Variants in KIF26B observed in about 807,000 individuals in gnomAD.
KIF26B encodes kinesin family member 26B, also known as kinesin-like protein KIF26B.
Under a neutral mutation model 151.2 loss-of-function variants are expected in KIF26B, and 63 were observed. The ratio of observed to expected loss-of-function variants is 0.42; its 90% CI spans 0.34 to 0.51. The LOEUF (loss-of-function observed/expected upper bound fraction) is 0.51. KIF26B is among the 20% of genes least tolerant of loss of function. The pLI, the probability that KIF26B is intolerant of heterozygous loss-of-function variation, is 0.07. For missense variants in KIF26B, 2,813 were observed against 2,913.6 expected (o/e 0.97, Z 0.79); for synonymous variants, 1,357 against 1,262.1 (o/e 1.08, Z -1.59).
At chr1:245,678,804 C>T (rs1478093153) in intron 10 of KIF26B, among the ~76,000 whole-genome samples, 1 of 151,504 alleles carries the variant, frequency 6.6e-6, no homozygotes, top group Non-Finnish European at 1.5e-5. Flanking sequence ...CGGAGGTTGC[C>T]GTGAGCTGAG....
intron 3 of KIF26B, among the ~76,000 whole-genome samples, chr1:245,382,393 C>T (rs1447311954): frequency 6.6e-6 from 1 of 152,140 alleles, no homozygotes. Flanking sequence ...CTCAAAGCCT[C>T]AATTTCCTCT....
intron 9 of KIF26B, among the ~76,000 whole-genome samples, chr1:245,624,215 A>G (rs2043697388): frequency 6.6e-6 from 1 of 151,882 alleles, no homozygotes; most frequent in Non-Finnish European, 1.5e-5. Flanking sequence ...ATATGGACAT[A>G]TATTTTCTTT....
At chr1:245,271,795 G>C (rs1459619986) in intron 2 of KIF26B, among the ~76,000 whole-genome samples, 1 of 152,032 alleles carries the variant, frequency 6.6e-6, no homozygotes, top group Admixed American at 6.6e-5. Flanking sequence ...ATTCATCAGG[G>C]ATATTGGGCT....
Position 245,621,933 on chromosome 1 carries a change from T to C in KIF26B, c.2098+9957T>C, listed in dbSNP as rs188930033. On this transcript the variant is annotated intron_variant, in intron 9 of 14. Transcript: ENST00000407071. ...TTTTATATTATCATCCTCAGCACAG[T>C]CTAAACTGTGCCTTTTGTTCTTGTG... 8.3e-4 allele frequency among the ~76,000 whole-genome samples: 126 copies of C among 152,348 alleles called. 3 individuals carry two copies. In the East Asian group the frequency reaches 0.015, roughly 19 times the overall value.
intron 3 of KIF26B, among the ~76,000 whole-genome samples, chr1:245,395,326 G>A (rs1270242267): frequency 2.0e-5 from 3 of 152,146 alleles, no homozygotes; most frequent in South Asian, 2.1e-4. Flanking sequence ...GCTTGATTTG[G>A]TTCTTATATA....
intron 4 of KIF26B, among the ~76,000 whole-genome samples, chr1:245,464,667 T>G (rs1023629254): frequency 6.0e-5 from 9 of 150,234 alleles, no homozygotes; most frequent in African/African-American, 1.7e-4. Flanking sequence ...TGTGTGTGTG[T>G]GGGTGTGTGC....
chr1:245,439,404 G>C (rs916194178), intron 4 of KIF26B, among the ~76,000 whole-genome samples: 2 of 151,482 alleles, frequency 1.3e-5, no homozygotes, highest in African/African-American at 4.8e-5. Context: ...TGGGATTAGA[G>C]AAAATGTTTT....
In KIF26B at chr1:245,561,459, G is replaced by A. The variant is rs1020510474; in HGVS notation, c.1350+20509G>A. Among the ~76,000 whole-genome samples the A allele has an allele frequency of 5.3e-5, 8 of 152,338 alleles. No homozygotes were observed. In the South Asian group the frequency reaches 1.0e-3, roughly 20 times the overall value. On this transcript the variant is annotated intron_variant, in intron 5 of 14. Transcript: ENST00000407071. ...TGGGTCACTCTTTGTGACAAGAACC[G>A]TGTGAACCACTTCTTACCTGTAATT...
At chr1:245,381,604 C>T (rs774056557) in intron 3 of KIF26B, among the ~76,000 whole-genome samples, 4 of 152,134 alleles carry the variant, frequency 2.6e-5, no homozygotes, top group Non-Finnish European at 4.4e-5. Flanking sequence ...AGATTGGACA[C>T]CCCTGACTCT....
chr1:245,258,017 TC>T (rs1670571504), intron 2 of KIF26B, among the ~76,000 whole-genome samples: 1 of 150,426 alleles, frequency 6.6e-6, no homozygotes, highest in Non-Finnish European at 1.5e-5. Flanking sequence ...TGAGACTCTG[TC>T]TTAAAAAAAA....
rs200426418 is a variant in KIF26B at position 245,331,097 on chromosome 1, G to A, written c.466-35737G>A. Among the ~76,000 whole-genome samples the A allele has an allele frequency of 7.9e-5, 12 of 152,156 alleles. No individual in the cohort carries two copies. In the East Asian group the frequency reaches 2.1e-3, roughly 27 times the overall value. ...AGCAGGAACGCAGCCGCGGCAGGGG[G>A]CGGTGGGAGTCTGCGGTATGACGTA... On this transcript the variant is annotated intron_variant, in intron 2 of 14. Transcript: ENST00000407071.
chr1:245,460,563 A>C (rs1310759880), intron 4 of KIF26B, among the ~76,000 whole-genome samples: 2 of 152,214 alleles, frequency 1.3e-5, no homozygotes, highest in Non-Finnish European at 2.9e-5. Context: ...CCCACCCCTT[A>C]GAGTACAGAA....
At chr1:245,207,243 A>C (rs957371578) in intron 2 of KIF26B, among the ~76,000 whole-genome samples, 1 of 152,228 alleles carries the variant, frequency 6.6e-6, no homozygotes, top group African/African-American at 2.4e-5. Context: ...AGGCAAATTT[A>C]CTTCTGCAGA....
At chr1:245,533,635 G>T (rs945563253) in intron 4 of KIF26B, among the ~76,000 whole-genome samples, 2 of 152,080 alleles carry the variant, frequency 1.3e-5, no homozygotes, top group Non-Finnish European at 2.9e-5. Flanking sequence ...TTAAAAGATT[G>T]CTAGGTCAAT....
At position 245,686,902 on chromosome 1, in the gene KIF26B, G is replaced by A. The variant is rs751457825; in HGVS notation, c.3919G>A (p.Gly1307Arg). Residue 1307 changes from glycine (G) to arginine (R), a missense_variant, in exon 12 of 15, where the codon GGG (glycine) becomes AGG (arginine). Gly to Arg is a moderately radical substitution (Grantham distance 125). Coordinates refer to ENST00000407071, the MANE Select transcript of KIF26B (RefSeq NM_018012.4). This position sits in a 1 kb window ranked among gnomAD's most constrained non-coding sequence, Gnocchi z 5.6. ...CATAGCCCAGACGTGTTTTGGGCAC[G>A]GGGAGGCAATGGCAGAACCTGTGGC... ...SFIAQTCFGHGEAMAEPVASE... is the reference protein window; with the variant it reads ...SFIAQTCFGHREAMAEPVASE... The A allele has an allele frequency of 5.3e-5, 86 of 1,613,176 alleles. 1 individual carries two copies. The South Asian group carries it at 8.2e-4, about 15-fold the overall frequency.
chr1:245,567,195 C>T (rs1290959467), intron 5 of KIF26B, among the ~76,000 whole-genome samples: 1 of 152,184 alleles, frequency 6.6e-6, no homozygotes, highest in Non-Finnish European at 1.5e-5. Context: ...CAAAAGCCAG[C>T]AATTAATATT....
intron 2 of KIF26B, among the ~76,000 whole-genome samples, chr1:245,298,077 G>A (rs1397797967): frequency 2.6e-5 from 4 of 151,996 alleles, no homozygotes; most frequent in South Asian, 2.1e-4. Flanking sequence ...AGTAGAGACG[G>A]GCTCTCACCA....
At chr1:245,654,897 G>A (rs2044056666) in intron 10 of KIF26B, among the ~76,000 whole-genome samples, 1 of 152,244 alleles carries the variant, frequency 6.6e-6, no homozygotes, top group African/African-American at 2.4e-5. Context: ...CAAGAGGTGA[G>A]AATGACGGCA....
At chr1:245,616,419 G>A (rs2043590955) in intron 9 of KIF26B, among the ~76,000 whole-genome samples, 1 of 152,154 alleles carries the variant, frequency 6.6e-6, no homozygotes, top group South Asian at 2.1e-4. Context: ...TTCTCATAAC[G>A]ACGCGTGTAC....
Sources: allele counts gnomAD v4.1 joint callset (sites outside exome capture counted in the v4.1 genomes callset), GRCh38; gene constraint gnomAD v4.1.1; non-coding constraint Gnocchi (gnomAD v3.1); transcripts MANE v1.5; gene names NCBI Gene and HGNC (gene_info 2026-07-23, HGNC 2026-07-21).